Variants in CADM2 observed in about 807,000 individuals in gnomAD.
CADM2 encodes cell adhesion molecule 2.
A neutral mutation model predicts 49.8 loss-of-function variants in CADM2; 12 were observed. The ratio of observed to expected loss-of-function variants is 0.24; its 90% CI spans 0.15 to 0.39. The LOEUF is 0.39. CADM2 is among the 10% of genes least tolerant of loss of function. CADM2 has a pLI of 1.00. For missense variants in CADM2, 378 were observed against 492.3 expected, an observed-to-expected ratio of 0.77 and a Z score of 2.20; for synonymous variants, 214 against 175.4, an observed-to-expected ratio of 1.22 and a Z score of -1.74.
rs536720755 is a variant in CADM2, at chr3:85,995,951, G to A, written c.970+34304G>A. On this transcript the variant is annotated intron_variant, in intron 8 of 9. Transcript: ENST00000383699. ...AAAAATACAAAAAAATTAGCCAGGC[G>A]TGGTGGCGGTCGCCTGTAGTCCCAG... Among the ~76,000 whole-genome samples the A allele has an allele frequency of 1.5e-3, 234 of 151,792 alleles. 1 individual carries two copies. The highest frequency in any genetic ancestry group is 5.2e-3 in the African/African-American group (217 of 41,452).
chr3:85,419,241 G>C (rs1405141413), intron 1 of CADM2, among the ~76,000 whole-genome samples: 1 of 152,104 alleles, frequency 6.6e-6, no homozygotes, highest in Non-Finnish European at 1.5e-5. Flanking sequence ...GGATCAAGAG[G>C]TCAGGAGATC....
intron 7 of CADM2, among the ~76,000 whole-genome samples, chr3:85,958,187 T>C (rs1205024325): frequency 6.6e-6 from 1 of 151,328 alleles, no homozygotes; most frequent in East Asian, 2.0e-4. Flanking sequence ...CCAACAAACA[T>C]ACAAAAAAAA....
chr3:85,321,486 C>G (rs1206248169), intron 1 of CADM2, among the ~76,000 whole-genome samples: 3 of 151,760 alleles, frequency 2.0e-5, no homozygotes, highest in Non-Finnish European at 4.4e-5. Flanking sequence ...CACCCAAACA[C>G]TTATTTTTAT....
chr3:85,185,099 A>T (rs1397228600), intron 1 of CADM2, among the ~76,000 whole-genome samples: 1 of 152,064 alleles, frequency 6.6e-6, no homozygotes, highest in Non-Finnish European at 1.5e-5. Flanking sequence ...TTTCTGAGAC[A>T]ATATATTGCA....
intron 1 of CADM2, among the ~76,000 whole-genome samples, chr3:85,440,911 G>T (rs927748446): frequency 4.6e-5 from 7 of 152,092 alleles, no homozygotes; most frequent in African/African-American, 1.7e-4. Flanking sequence ...GAACTCAAGA[G>T]TTGGAGGTTG....
intron 1 of CADM2, among the ~76,000 whole-genome samples, chr3:85,275,501 A>G (rs1012310765): frequency 3.3e-5 from 5 of 151,492 alleles, no homozygotes; most frequent in African/African-American, 1.2e-4. Flanking sequence ...TCATGTATAT[A>G]TGATTTATCT....
intron 1 of CADM2, among the ~76,000 whole-genome samples, chr3:85,193,514 T>A (rs1332716190): frequency 6.6e-6 from 1 of 152,064 alleles, no homozygotes; most frequent in Non-Finnish European, 1.5e-5. Flanking sequence ...TTCCTGCATA[T>A]ACAACAATTT....
At position 85,944,873 on chromosome 3, in the gene CADM2, G is replaced by A. The variant is rs554595862; in HGVS notation, c.791+9016G>A. Among the ~76,000 whole-genome samples, 56 of 151,970 alleles carry A rather than the reference G, an allele frequency of 3.7e-4. No homozygotes were observed. In the South Asian group the frequency reaches 8.3e-3, roughly 23 times the overall value. ...TAATATCACAATTAAAAGAACTAGA[G>A]AAGCAAGAGCAAACACATTCAAAAG... On this transcript the variant is annotated intron_variant, in intron 7 of 9. Coordinates refer to ENST00000383699, the MANE Select transcript of CADM2 (RefSeq NM_001167675.2).
chr3:85,601,169 T>TAC lies in CADM2; in HGVS notation c.62-125352_62-125351insCA, dbSNP rs1459878927. Among the ~76,000 whole-genome samples, 213 of 75,826 alleles carry TAC rather than the reference T, an allele frequency of 2.8e-3. 1 individual carries two copies. The highest frequency in any genetic ancestry group is 7.5e-3 in the Admixed American group (47 of 6,270). The allele number at this position is 75,826 out of a possible 152,430, so 49.7% of individuals were successfully genotyped here. The stretch of plus-strand genomic sequence containing the variant: ...ATATATATATATATATATATATATA[T>TAC]ATATACACACACACACACACATACA... On this transcript the variant is annotated intron_variant, in intron 1 of 9. Transcript: ENST00000383699.
At chr3:85,162,944 A>T (rs929609905) in intron 1 of CADM2, among the ~76,000 whole-genome samples, 1 of 148,886 alleles carries the variant, frequency 6.7e-6, no homozygotes, top group South Asian at 2.1e-4. Flanking sequence ...GAAAATAGAC[A>T]TATATATATA....
At chr3:84,979,525 G>A (rs561206490) in intron 1 of CADM2, among the ~76,000 whole-genome samples, 1 of 152,150 alleles carries the variant, frequency 6.6e-6, no homozygotes, top group East Asian at 1.9e-4. Context: ...AGGTATCTTT[G>A]AAGAAATACT....
chr3:85,218,337 T>C (rs777522490), intron 1 of CADM2, among the ~76,000 whole-genome samples: 10 of 152,138 alleles, frequency 6.6e-5, no homozygotes, highest in Non-Finnish European at 1.5e-4. Flanking sequence ...TTTGAGAATG[T>C]GTAAGCAAAG....
intron 1 of CADM2, among the ~76,000 whole-genome samples, chr3:85,069,042 A>T (rs1450989478): frequency 6.6e-6 from 1 of 152,068 alleles, no homozygotes; most frequent in Non-Finnish European, 1.5e-5. Context: ...ATGTTGTGCC[A>T]ATCAAATATG....
chr3:85,575,801 T>A (rs984857239), intron 1 of CADM2, among the ~76,000 whole-genome samples: 1 of 152,134 alleles, frequency 6.6e-6, no homozygotes, highest in Non-Finnish European at 1.5e-5. Context: ...ATATTACAGA[T>A]AGATTTTAAA....
chr3:85,408,820 A>G (rs2035524380), intron 1 of CADM2, among the ~76,000 whole-genome samples: 1 of 152,198 alleles, frequency 6.6e-6, no homozygotes, highest in Non-Finnish European at 1.5e-5. Context: ...CCATAGTCTT[A>G]TTTGGAGAAG....
At chr3:85,792,832 A>G (rs1463102779) in intron 2 of CADM2, among the ~76,000 whole-genome samples, 1 of 152,210 alleles carries the variant, frequency 6.6e-6, no homozygotes. Context: ...TATTTCAAAG[A>G]TCTCTCTTTA....
intron 3 of CADM2, among the ~76,000 whole-genome samples, chr3:85,838,667 A>G (rs757300045): frequency 2.6e-5 from 4 of 151,752 alleles, no homozygotes; most frequent in Non-Finnish European, 4.4e-5. Context: ...TTTGATATGC[A>G]GCCAAGGTTG....
At chr3:85,178,863 A>C (rs2040853455) in intron 1 of CADM2, among the ~76,000 whole-genome samples, 1 of 151,802 alleles carries the variant, frequency 6.6e-6, no homozygotes, top group South Asian at 2.1e-4. Context: ...CAAAAGCTTC[A>C]ATAACTTTAC....
chr3:85,306,293 GT>G, intron 1 of CADM2, among the ~76,000 whole-genome samples: 1 of 151,604 alleles, frequency 6.6e-6, no homozygotes, highest in East Asian at 1.9e-4. Context: ...TTGCAAATTT[GT>G]TGTTAAGAAT....
Sources: allele counts gnomAD v4.1 joint callset (sites outside exome capture counted in the v4.1 genomes callset), GRCh38; gene constraint gnomAD v4.1.1; transcripts MANE v1.5; gene names NCBI Gene and HGNC (gene_info 2026-07-23, HGNC 2026-07-21).